Variants in SORCS3 observed in about 807,000 individuals in gnomAD.
SORCS3 encodes the protein sortilin related VPS10 domain containing receptor 3, also known as VPS10 domain-containing receptor SorCS3.
Under a neutral mutation model 146.3 loss-of-function variants are expected in SORCS3, and 57 were observed. The ratio of observed to expected loss-of-function variants is 0.39; its 90% CI spans 0.31 to 0.49. SORCS3 has a LOEUF of 0.49. SORCS3 is among the 20% of genes least tolerant of loss of function. SORCS3 has a pLI of 0.92. For missense variants in SORCS3, 1,341 were observed against 1,575.5 expected, an observed-to-expected ratio of 0.85 and a Z score of 2.52; for synonymous variants, 653 against 618.5, an observed-to-expected ratio of 1.06 and a Z score of -0.83.
intron 1 of SORCS3, among the ~76,000 whole-genome samples, chr10:104,655,276 T>G (rs1428238827): frequency 6.6e-6 from 1 of 152,082 alleles, no homozygotes; most frequent in East Asian, 1.9e-4. Context: ...GTAGTTTTAT[T>G]TATTTAATTT....
chr10:105,055,297 C>T (rs116164970), intron 5 of SORCS3, among the ~76,000 whole-genome samples: 4 of 152,122 alleles, frequency 2.6e-5, no homozygotes, highest in South Asian at 2.1e-4. Flanking sequence ...AGTTGCTAGT[C>T]GATACCCTTA....
chr10:104,875,162 T>C (rs2018558438), intron 2 of SORCS3, among the ~76,000 whole-genome samples: 1 of 152,216 alleles, frequency 6.6e-6, no homozygotes, highest in African/African-American at 2.4e-5. Context: ...CTCATTACTT[T>C]GCATGGAATC....
At chr10:104,921,667 C>T (rs1054209161) in intron 3 of SORCS3, among the ~76,000 whole-genome samples, 19 of 151,978 alleles carry the variant, frequency 1.3e-4, no homozygotes, top group Admixed American at 6.6e-4. Context: ...ATCTCCTGAG[C>T]GTGGTAGTTT....
chr10:104,935,500 C>T (rs920925059), intron 3 of SORCS3, among the ~76,000 whole-genome samples: 1 of 152,136 alleles, frequency 6.6e-6, no homozygotes, highest in East Asian at 1.9e-4. Flanking sequence ...ATTGTACTTC[C>T]AGCATCAAGA....
intron 1 of SORCS3, among the ~76,000 whole-genome samples, chr10:104,673,177 A>G (rs1048016019): frequency 2.6e-5 from 4 of 152,208 alleles, no homozygotes; most frequent in African/African-American, 9.6e-5. Flanking sequence ...TAGACAGCAT[A>G]TAATTGGATC....
chr10:105,184,776 C>G (rs1484442789), intron 14 of SORCS3, among the ~76,000 whole-genome samples: 1 of 152,132 alleles, frequency 6.6e-6, no homozygotes, highest in African/African-American at 2.4e-5. Flanking sequence ...CCTATCATCT[C>G]CAAAAATTAC....
chr10:105,153,581 A>G (rs2056182982), intron 9 of SORCS3, among the ~76,000 whole-genome samples: 1 of 152,014 alleles, frequency 6.6e-6, no homozygotes, highest in African/African-American at 2.4e-5. Context: ...CAGTTGCTTC[A>G]TATCTTCAGC....
At chr10:104,785,971 T>C (rs775324637) in intron 1 of SORCS3, among the ~76,000 whole-genome samples, 2 of 152,202 alleles carry the variant, frequency 1.3e-5, no homozygotes, top group Non-Finnish European at 2.9e-5. Context: ...ATGATGAGTT[T>C]ACAGGACACT....
At chr10:105,083,448 G>A (rs2055638757) in intron 5 of SORCS3, among the ~76,000 whole-genome samples, 1 of 152,102 alleles carries the variant, frequency 6.6e-6, no homozygotes, top group Admixed American at 6.6e-5. Flanking sequence ...GCTTGAGAGG[G>A]AAGAGGTGCC....
intron 4 of SORCS3, among the ~76,000 whole-genome samples, chr10:105,041,790 G>A (rs1224848480): frequency 6.6e-6 from 1 of 152,068 alleles, no homozygotes; most frequent in Admixed American, 6.6e-5. Context: ...GCAGATATTG[G>A]GGATGTGATC....
intron 14 of SORCS3, among the ~76,000 whole-genome samples, chr10:105,195,808 C>T (rs1212336356): frequency 1.3e-5 from 2 of 152,138 alleles, no homozygotes; most frequent in African/African-American, 4.8e-5. Context: ...ATTTGGGGCC[C>T]ATTGAGAAAA....
intron 3 of SORCS3, among the ~76,000 whole-genome samples, chr10:104,958,937 G>A (rs2054773029): frequency 6.6e-6 from 1 of 152,036 alleles, no homozygotes; most frequent in Admixed American, 6.6e-5. Context: ...GAACAGCATG[G>A]GAGAAACTGC....
chr10:104,688,766 A>G (rs1472022739), intron 1 of SORCS3, among the ~76,000 whole-genome samples: 1 of 151,806 alleles, frequency 6.6e-6, no homozygotes, highest in African/African-American at 2.4e-5. Flanking sequence ...ATCCTTAGTT[A>G]CCTGCTGTTC....
intron 1 of SORCS3, among the ~76,000 whole-genome samples, chr10:104,659,512 T>C (rs943163756): frequency 6.6e-6 from 1 of 152,156 alleles, no homozygotes; most frequent in Non-Finnish European, 1.5e-5. Flanking sequence ...AATAAATAAA[T>C]AGATGACTAG....
intron 13 of SORCS3, among the ~76,000 whole-genome samples, chr10:105,172,997 G>A (rs1182779605): frequency 1.3e-5 from 2 of 151,940 alleles, no homozygotes; most frequent in Non-Finnish European, 2.9e-5. Context: ...TCTGCTTTAA[G>A]TTGTTTCTGT....
intron 1 of SORCS3, among the ~76,000 whole-genome samples, chr10:104,815,707 TAAAAC>T (rs1432333827): frequency 6.6e-6 from 1 of 152,020 alleles, no homozygotes; most frequent in African/African-American, 2.4e-5. Flanking sequence ...AATCAATACA[TAAAAC>T]AAAAACAGTT....
chr10:104,781,440 A>C (rs2017372897), intron 1 of SORCS3, among the ~76,000 whole-genome samples: 1 of 152,172 alleles, frequency 6.6e-6, no homozygotes, highest in Non-Finnish European at 1.5e-5. Flanking sequence ...ATTCTCACAG[A>C]GGTTGAGTGC....
Position 104,641,844 on chromosome 10 carries a change from G to A in SORCS3, c.517G>A (p.Ala173Thr). The A allele has an allele frequency of 6.4e-7, 1 of 1,567,812 alleles. No individual in the cohort carries two copies. The highest frequency in any genetic ancestry group is 1.2e-5 in the South Asian group (1 of 85,518). The change falls in exon 1 of 27, where the codon GCT becomes ACT. Residue 173 changes from alanine (A) to threonine (T), a missense_variant. Coordinates refer to ENST00000369701, the MANE Select transcript of SORCS3 (RefSeq NM_014978.3). This position sits in a 1 kb window ranked among gnomAD's most constrained non-coding sequence, Gnocchi z 6.4. ...GSREEVKAPR[A>T]GGSAAEDLRL... ...CCGGGAGGAGGTGAAGGCGCCGCGG[G>A]CTGGGGGGTCGGCGGCTGAAGACCT... is the stretch of plus-strand genomic sequence containing the variant.
chr10:105,031,404 A>G (rs1379938591), intron 4 of SORCS3, among the ~76,000 whole-genome samples: 1 of 152,168 alleles, frequency 6.6e-6, no homozygotes, highest in Non-Finnish European at 1.5e-5. Context: ...AGGGAGCATC[A>G]GTAGTGAACA....
Sources: allele counts gnomAD v4.1 joint callset (sites outside exome capture counted in the v4.1 genomes callset), GRCh38; gene constraint gnomAD v4.1.1; non-coding constraint Gnocchi (gnomAD v3.1); transcripts MANE v1.5; gene names NCBI Gene and HGNC (gene_info 2026-07-23, HGNC 2026-07-21).